Variants in RNF175 observed in about 807,000 individuals in gnomAD.
The protein encoded by RNF175 is ring finger protein 175.
In RNF175, 38 loss-of-function variants were observed where a neutral mutation model predicts 50.0. The observed-to-expected ratio is 0.76, with a 90% confidence interval of 0.59 to 1.00. RNF175 has a LOEUF of 1.00. RNF175 is among the 50% of genes least tolerant of loss of function. The pLI, the probability that RNF175 is intolerant of heterozygous loss-of-function variation, is 0.00. For missense variants in RNF175, 388 were observed against 409.6 expected (o/e 0.95, Z 0.46); for synonymous variants, 155 against 146.1 (o/e 1.06, Z -0.44).
intron 2 of RNF175, among the ~76,000 whole-genome samples, chr4:153,749,661 A>G (rs17030417): frequency 0.099 from 15,058 of 152,248 alleles, 1,360 homozygotes; most frequent in East Asian, 0.44. Flanking sequence ...GGTAGCCTCG[A>G]TGAAAACCTA....
At chr4:153,714,687 T>C (rs1737794300) in intron 7 of RNF175, 1 of 152,234 alleles carries the variant, frequency 6.6e-6, no homozygotes, top group African/African-American at 2.4e-5. Flanking sequence ...TTGGTATCCA[T>C]AGCAAAAGTA....
intron 3 of RNF175, among the ~76,000 whole-genome samples, chr4:153,739,144 C>T (rs569735467): frequency 4.0e-4 from 61 of 152,138 alleles, no homozygotes; most frequent in Non-Finnish European, 7.3e-5. Context: ...GAAATAGGGC[C>T]GGGTGAGGTG....
At chr4:153,728,844 G>A (rs143564066) in intron 3 of RNF175, among the ~76,000 whole-genome samples, 2 of 152,336 alleles carry the variant, frequency 1.3e-5, no homozygotes, top group African/African-American at 2.4e-5. Flanking sequence ...TGACAGCAAT[G>A]TCAAAGGAGG....
Position 153,759,986 on chromosome 4 carries a change from G to A in RNF175, c.-124C>T, listed in dbSNP as rs1361986104. The A allele has an allele frequency of 9.4e-6, 5 of 530,394 alleles. No individual in the cohort carries two copies. The highest frequency in any genetic ancestry group is 1.5e-5 in the Non-Finnish European group (5 of 338,288). 32.9% of individuals were successfully genotyped at this position (530,394 alleles called of 1,614,324 possible). A position where few individuals can be genotyped will look rare whatever the true frequency, so the allele number is the denominator to read the frequency against. ...TGAGAGCCGGATCTGCGGCGGCGGCGGAGCGGCGGCCCTGCCCGGGTTGTG... is the reference window on the plus strand; with the variant it reads ...TGAGAGCCGGATCTGCGGCGGCGGCAGAGCGGCGGCCCTGCCCGGGTTGTG... On this transcript the variant is annotated 5_prime_UTR_variant, in exon 1 of 9. Transcript: ENST00000347063.
At chr4:153,757,195 G>GATA (rs1740608578) in intron 1 of RNF175, among the ~76,000 whole-genome samples, 1 of 152,114 alleles carries the variant, frequency 6.6e-6, no homozygotes, top group Non-Finnish European at 1.5e-5. Context: ...TTTCGGTGAG[G>GATA]CCCCTACCAG....
Position 153,712,493 on chromosome 4 carries a change from TTCAAA to T in RNF175, c.843_847del (p.Asp281GlufsTer6), listed in dbSNP as rs764343708. On this transcript the variant is annotated frameshift_variant, in exon 8 of 9. Transcript: ENST00000347063. LOFTEE classifies it high-confidence loss of function. ...AGGATATGGATTACTGATCATCCTC[TTCAAA>T]TCAACTTTCTCTTTGCAGTAAGGGC... 6.2e-7 allele frequency: 1 copy of T among 1,604,218 alleles called. No individual in the cohort carries two copies. Among genetic ancestry groups the T allele is most frequent in the African/African-American group, 1.3e-5 (1 of 74,882 alleles).
intron 6 of RNF175, among the ~76,000 whole-genome samples, chr4:153,717,939 G>T (rs961618249): frequency 6.6e-6 from 1 of 152,122 alleles, no homozygotes; most frequent in African/African-American, 2.4e-5. Context: ...AATGTATAGT[G>T]TTATATATCC....
chr4:153,730,505 G>A (rs760004908), intron 3 of RNF175, among the ~76,000 whole-genome samples: 1 of 151,978 alleles, frequency 6.6e-6, no homozygotes, highest in Non-Finnish European at 1.5e-5. Flanking sequence ...AGCTGATTTT[G>A]GAGATAGTTC....
chr4:153,718,222 G>GTGTTTTTTTTT (rs1688936681), intron 6 of RNF175, among the ~76,000 whole-genome samples: 1 of 37,540 alleles, frequency 2.7e-5, no homozygotes, highest in Non-Finnish European at 7.1e-5. Flanking sequence ...TTTTTTGTTT[G>GTGTTTTTTTTT]TTTGTTTGTT....
At chr4:153,749,837 A>C (rs916663897) in intron 2 of RNF175, among the ~76,000 whole-genome samples, 27 of 152,194 alleles carry the variant, frequency 1.8e-4, no homozygotes, top group Non-Finnish European at 4.0e-4. Flanking sequence ...CCTGTACTTC[A>C]ACATGCCAAC....
chr4:153,743,270 G>T (rs1371886513), intron 3 of RNF175, among the ~76,000 whole-genome samples: 2 of 152,172 alleles, frequency 1.3e-5, no homozygotes, highest in Admixed American at 6.5e-5. Flanking sequence ...CACTCTGGAG[G>T]TGAATCCCCA....
chr4:153,734,665 C>CTTTTTTTTTTTTTTTTTTTTT (rs56211482), intron 3 of RNF175, among the ~76,000 whole-genome samples: 2 of 73,178 alleles, frequency 2.7e-5, no homozygotes, highest in African/African-American at 8.3e-5. Context: ...TTTTTTTATT[C>CTTTTTTTTTTTTTTTTTTTTT]TTTTTTTTTT....
chr4:153,725,810 C>T (rs2127116815), intron 4 of RNF175, among the ~76,000 whole-genome samples: 1 of 152,344 alleles, frequency 6.6e-6, no homozygotes, highest in African/African-American at 2.4e-5. Flanking sequence ...ACTAAATGCT[C>T]AATATGTCAT....
Position 153,720,265 on chromosome 4 carries a change from A to T in RNF175, c.549T>A (p.Ser183=). The T allele has an allele frequency of 3.1e-6, 5 of 1,613,472 alleles. No individual in the cohort carries two copies. Among genetic ancestry groups the T allele is most frequent in the Non-Finnish European group, 4.2e-6 (5 of 1,179,390 alleles). ...ARDSMDFGIV[S]LFYGLYYGVM... is the part of the protein sequence containing the mutation. ...CTCCATAGTAGAGGCCGTAGAACAA[A>T]GACACAATGCCAAAATCCATGGAAT... The change falls in exon 6 of 9, where the codon TCT becomes TCA. Residue 183 remains serine (S), a synonymous_variant. Transcript: ENST00000347063.
rs2127123092 is a variant in RNF175 at position 153,728,347 on chromosome 4, C to T, written c.261G>A (p.Leu87=). The change falls in exon 4 of 9, where the codon TTG becomes TTA. Residue 87 remains leucine, a synonymous_variant. Transcript: ENST00000347063. ...AATATAAGGGGACAACCCACATCTG[C>T]AACAAGGTCACCAGCTGTCAGAGAA... ...HGRSYNLVTL[L]QMWVVPLYFT... 6.2e-7 allele frequency: 1 copy of T among 1,613,530 alleles called. No individual in the cohort carries two copies. Among genetic ancestry groups the T allele is most frequent in the Non-Finnish European group, 8.5e-7 (1 of 1,179,628 alleles).
intron 3 of RNF175, among the ~76,000 whole-genome samples, chr4:153,731,666 A>AGAGG (rs1174961562): frequency 6.8e-5 from 7 of 103,412 alleles, no homozygotes. Context: ...AGAGAAAGAA[A>AGAGG]GAGAGAGAGG....
At chr4:153,725,235 G>A (rs986961956) in intron 4 of RNF175, among the ~76,000 whole-genome samples, 2 of 152,168 alleles carry the variant, frequency 1.3e-5, no homozygotes, top group African/African-American at 2.4e-5. Context: ...AGCCAGAGAA[G>A]GCTTTTGGCG....
chr4:153,725,017 C>T (rs1228784323), intron 4 of RNF175, among the ~76,000 whole-genome samples: 2 of 60,652 alleles, frequency 3.3e-5, no homozygotes, highest in Non-Finnish European at 6.2e-5. Context: ...GGGTGAGCTG[C>T]GTGGGGGAGC....
chr4:153,742,204 G>A (rs1378674741), intron 3 of RNF175, among the ~76,000 whole-genome samples: 1 of 148,356 alleles, frequency 6.7e-6, no homozygotes, highest in African/African-American at 2.5e-5. Context: ...AACCTGGGAG[G>A]CAGAGGTTGC....
Sources: gnomAD v4.1 joint callset for allele counts (sites outside exome capture counted in the v4.1 genomes callset) on GRCh38, gnomAD v4.1.1 for gene constraint, MANE v1.5 for transcripts, NCBI Gene and HGNC (gene_info 2026-07-23, HGNC 2026-07-21) for gene names.